Variants in NRG3 observed in about 807,000 individuals in gnomAD.
NRG3 encodes neuregulin 3, also known as pro-neuregulin-3, membrane-bound isoform.
A neutral mutation model predicts 66.9 loss-of-function variants in NRG3; 31 were observed. That is an observed-to-expected ratio of 0.46 (90% confidence interval 0.35 to 0.63). NRG3 has a LOEUF of 0.63. NRG3 is among the 20% of genes least tolerant of loss of function. The pLI, the probability that NRG3 is intolerant of heterozygous loss-of-function variation, is 0.00. For synonymous variants in NRG3, 393 were observed against 359.4 expected, an observed-to-expected ratio of 1.09 and a Z score of -1.06; for missense variants, 910 against 878.9, an observed-to-expected ratio of 1.04 and a Z score of -0.45.
intron 1 of NRG3, among the ~76,000 whole-genome samples, chr10:82,149,074 GTT>G (rs11332770): frequency 0.025 from 3,646 of 148,078 alleles, 146 homozygotes; most frequent in African/African-American, 0.088. Context: ...TTTTGTTTTT[GTT>G]TTTTTTTTAA....
At chr10:82,756,963 C>A (rs1412901826) in intron 3 of NRG3, among the ~76,000 whole-genome samples, 1 of 151,862 alleles carries the variant, frequency 6.6e-6, no homozygotes. Context: ...GTTTTCTGGG[C>A]TCAAAAATCT....
intron 1 of NRG3, among the ~76,000 whole-genome samples, chr10:82,004,898 A>G (rs1027658975): frequency 1.3e-5 from 2 of 152,196 alleles, no homozygotes; most frequent in Non-Finnish European, 2.9e-5. Flanking sequence ...AGCCTCCAAC[A>G]TTGTTGAGAA....
At chr10:82,886,069 T>C (rs1771804943) in intron 4 of NRG3, among the ~76,000 whole-genome samples, 1 of 152,104 alleles carries the variant, frequency 6.6e-6, no homozygotes, top group African/African-American at 2.4e-5. Context: ...TTTTGCCACG[T>C]TGGCCAGGCT....
rs186330195 is a variant in NRG3, at chr10:82,404,007, T to C, written c.953+45139T>C. ...TAACTTGAGGTTTGCTGACCTAAGT[T>C]GTGAGGTTAAAGGTTTAGATATTGG... On this transcript the variant is annotated intron_variant, in intron 2 of 8. Transcript: ENST00000372141. 2.0e-5 allele frequency among the ~76,000 whole-genome samples: 3 copies of C among 152,232 alleles called. No individual in the cohort carries two copies. The East Asian group carries it at 5.8e-4, about 29-fold the overall frequency.
intron 1 of NRG3, among the ~76,000 whole-genome samples, chr10:82,343,035 C>T (rs907900684): frequency 6.6e-6 from 1 of 152,024 alleles, no homozygotes; most frequent in Non-Finnish European, 1.5e-5. Flanking sequence ...GTCCTCTCCC[C>T]AGTGTATATT....
At chr10:82,380,728 C>G (rs1234556262) in intron 2 of NRG3, among the ~76,000 whole-genome samples, 1 of 152,108 alleles carries the variant, frequency 6.6e-6, no homozygotes, top group African/African-American at 2.4e-5. Flanking sequence ...ATTGGTATAA[C>G]AACTTTGGAA....
chr10:82,270,666 C>G (rs1454562243), intron 1 of NRG3, among the ~76,000 whole-genome samples: 1 of 152,086 alleles, frequency 6.6e-6, no homozygotes, highest in African/African-American at 2.4e-5. Flanking sequence ...TGGTTTCATT[C>G]CTCATGAGAA....
chr10:81,991,932 A>C (rs1456747528), intron 1 of NRG3, among the ~76,000 whole-genome samples: 2 of 152,120 alleles, frequency 1.3e-5, no homozygotes, highest in Non-Finnish European at 2.9e-5. Context: ...ATAGTTTCTG[A>C]GCATTAGTCA....
intron 1 of NRG3, among the ~76,000 whole-genome samples, chr10:82,287,475 G>A (rs928905809): frequency 6.6e-6 from 1 of 151,824 alleles, no homozygotes; most frequent in African/African-American, 2.4e-5. Context: ...TTATAGCAAT[G>A]CAAGAATGGC....
chr10:82,623,800 A>C (rs1481730641), intron 2 of NRG3, among the ~76,000 whole-genome samples: 1 of 152,196 alleles, frequency 6.6e-6, no homozygotes, highest in African/African-American at 2.4e-5. Context: ...GGGCAAAAAC[A>C]AAAACCTCAG....
At chr10:82,794,753 C>G (rs781647052) in intron 3 of NRG3, among the ~76,000 whole-genome samples, 4 of 151,944 alleles carry the variant, frequency 2.6e-5, no homozygotes, top group Admixed American at 6.6e-5. Context: ...TTAAATACAT[C>G]GAAGAGTAAA....
At chr10:82,717,660 C>T (rs1591294547) in intron 2 of NRG3, among the ~76,000 whole-genome samples, 1 of 152,052 alleles carries the variant, frequency 6.6e-6, no homozygotes, top group African/African-American at 2.4e-5. Context: ...GCCTCGACCT[C>T]CCAAAGTGCT....
At chr10:82,509,085 G>T (rs1844935271) in intron 2 of NRG3, among the ~76,000 whole-genome samples, 1 of 152,008 alleles carries the variant, frequency 6.6e-6, no homozygotes, top group Non-Finnish European at 1.5e-5. Flanking sequence ...AGCTCCAGGT[G>T]AACATTCCTA....
intron 2 of NRG3, among the ~76,000 whole-genome samples, chr10:82,374,700 G>A (rs1490936955): frequency 2.0e-5 from 3 of 152,090 alleles, no homozygotes; most frequent in African/African-American, 4.8e-5. Context: ...GTCCACAGCC[G>A]CACTTGAAGC....
At position 82,985,546 on chromosome 10, in the gene NRG3, C is replaced by G. The variant is rs138936665; in HGVS notation, c.2032C>G (p.Arg678Gly). 13 of 1,613,908 alleles carry G rather than the reference C, an allele frequency of 8.1e-6. No homozygotes were observed. Reference sequence around the variant, plus strand: ...CCTGAGTCCCACAGCCAAATCAGAACGAGAGGCGCAATTTGTCTTAAGAAA... The same window carrying G: ...CCTGAGTCCCACAGCCAAATCAGAAGGAGAGGCGCAATTTGTCTTAAGAAA... ...LPLSPTAKSE[R>G]EAQFVLRNEI... The change falls in exon 9 of 9, where the codon CGA becomes GGA. Residue 678 changes from arginine to glycine, a missense_variant. Coordinates refer to ENST00000372141, the MANE Select transcript of NRG3 (RefSeq NM_001010848.4).
chr10:82,629,032 T>C (rs2049623608), intron 2 of NRG3, among the ~76,000 whole-genome samples: 1 of 152,226 alleles, frequency 6.6e-6, no homozygotes, highest in Non-Finnish European at 1.5e-5. Context: ...TTTATTCAAA[T>C]GTTAAGTGAG....
chr10:82,019,676 G>A (rs188649660), intron 1 of NRG3, among the ~76,000 whole-genome samples: 1 of 152,134 alleles, frequency 6.6e-6, no homozygotes, highest in Admixed American at 6.6e-5. Flanking sequence ...GAGGGTGTAT[G>A]TGTCGAGGAA....
intron 2 of NRG3, among the ~76,000 whole-genome samples, chr10:82,466,763 A>G (rs912311931): frequency 6.6e-6 from 1 of 152,096 alleles, no homozygotes; most frequent in Non-Finnish European, 1.5e-5. Context: ...AGCAGAGTCT[A>G]GATCCTCAGG....
intron 1 of NRG3, among the ~76,000 whole-genome samples, chr10:81,927,065 C>T (rs1846873838): frequency 6.6e-6 from 1 of 152,102 alleles, no homozygotes. Flanking sequence ...TCATTGTGCT[C>T]CCTGTTAGGC....
Sources: gnomAD v4.1 joint callset for allele counts (sites outside exome capture counted in the v4.1 genomes callset) on GRCh38, gnomAD v4.1.1 for gene constraint, MANE v1.5 for transcripts, NCBI Gene and HGNC (gene_info 2026-07-23, HGNC 2026-07-21) for gene names.